The following SNRPD1 variants were observed in gnomAD, a reference collection of about 807,000 sequenced individuals.
The protein encoded by SNRPD1 is small nuclear ribonucleoprotein D1 polypeptide, also known as small nuclear ribonucleoprotein Sm D1.
Under a neutral mutation model 14.4 loss-of-function variants are expected in SNRPD1, and 1 was observed. The ratio of observed to expected loss-of-function variants is 0.07; its 90% CI spans 0.02 to 0.33. The LOEUF (loss-of-function observed/expected upper bound fraction) is 0.33. Among genes scored for constraint, SNRPD1 ranks in the 10% least tolerant of loss-of-function variants. The pLI is 1.00. For synonymous variants in SNRPD1, 42 were observed against 50.3 expected (o/e 0.83, Z 0.70); for missense variants, 52 against 146.4 (o/e 0.36, Z 3.33).
At position 21,633,516 on chromosome 18, in the gene SNRPD1, C is replaced by G. The variant is rs2039101410; in HGVS notation, c.*4378C>G. 1 of 151,778 alleles carries G rather than the reference C, an allele frequency of 6.6e-6. No individual in the cohort carries two copies. Among genetic ancestry groups the G allele is most frequent in the South Asian group, 2.1e-4 (1 of 4,806 alleles). 9.4% of individuals were successfully genotyped at this position (151,778 alleles called of 1,614,324 possible). On this transcript the variant is annotated 3_prime_UTR_variant, in exon 4 of 4. Transcript: ENST00000300413. ...TGGATCTGTGAAATAAAGAGGAGTA[C>G]TTTCTTTTCGTTTTTTTTTCTTTTC...
intron 1 of SNRPD1, among the ~76,000 whole-genome samples, chr18:21,621,368 T>A (rs2038996708): frequency 6.6e-6 from 1 of 152,134 alleles, no homozygotes; most frequent in South Asian, 2.1e-4. Context: ...TTCCATATAG[T>A]GGAATACTTT....
In SNRPD1 at chr18:21,629,062, T is replaced by C; in HGVS notation, c.284T>C (p.Val95Ala). The change falls in exon 4 of 4, where the codon GTT (valine) becomes GCT (alanine). Residue 95 changes from valine to alanine, a missense_variant and splice_region_variant. By Grantham distance (64) the Val-to-Ala change is moderately conservative (BLOSUM62 0). Coordinates refer to ENST00000300413, the MANE Select transcript of SNRPD1 (RefSeq NM_006938.4). ...PKVKSKKREA[V>A]AGRGRGRGRG... ...TTGGTTTGTTTTTCTTTTCCTTCAG[T>C]TGCAGGAAGAGGCAGAGGAAGAGGA... 6.2e-7 allele frequency: 1 copy of C among 1,613,464 alleles called. No individual in the cohort carries two copies. Among genetic ancestry groups the C allele is most frequent in the Non-Finnish European group, 8.5e-7 (1 of 1,179,424 alleles).
chr18:21,617,956 G>C (rs2038969792), intron 1 of SNRPD1, among the ~76,000 whole-genome samples: 1 of 152,170 alleles, frequency 6.6e-6, no homozygotes, highest in Non-Finnish European at 1.5e-5. Context: ...TTGCACTCCA[G>C]CCTGGGCAAC....
intron 1 of SNRPD1, among the ~76,000 whole-genome samples, chr18:21,619,178 A>T (rs1294440034): frequency 6.6e-6 from 1 of 151,642 alleles, no homozygotes; most frequent in African/African-American, 2.4e-5. Context: ...GGTGTGATCA[A>T]TTTTTTTTCG....
At chr18:21,621,633 A>T (rs1266089041) in intron 1 of SNRPD1, among the ~76,000 whole-genome samples, 1 of 151,860 alleles carries the variant, frequency 6.6e-6, no homozygotes, top group East Asian at 1.9e-4. Context: ...GTTGGAGTGC[A>T]GTGGTGCGAT....
At chr18:21,626,945 ATT>A (rs759988726) in intron 3 of SNRPD1, among the ~76,000 whole-genome samples, 3 of 135,584 alleles carry the variant, frequency 2.2e-5, no homozygotes, top group Non-Finnish European at 3.2e-5. Flanking sequence ...AAATGTTTGG[ATT>A]TTTTTTTTTT....
intron 1 of SNRPD1, among the ~76,000 whole-genome samples, chr18:21,617,000 T>C (rs1043629553): frequency 2.0e-5 from 3 of 152,130 alleles, no homozygotes; most frequent in South Asian, 2.1e-4. Flanking sequence ...TCTGGAACTC[T>C]TGGGCTCAAG....
chr18:21,619,652 C>T (rs1348617829), intron 1 of SNRPD1, among the ~76,000 whole-genome samples: 2 of 151,744 alleles, frequency 1.3e-5, no homozygotes, highest in East Asian at 4.1e-4. Flanking sequence ...TGGTGGCAGG[C>T]GCCTGTAGTC....
chr18:21,620,528 A>G (rs748558383), intron 1 of SNRPD1, among the ~76,000 whole-genome samples: 1 of 152,226 alleles, frequency 6.6e-6, no homozygotes, highest in Non-Finnish European at 1.5e-5. Context: ...GCAACTGGCT[A>G]TTCAGTTGGG....
At chr18:21,619,973 G>A (rs149505719) in intron 1 of SNRPD1, among the ~76,000 whole-genome samples, 2,673 of 151,234 alleles carry the variant, frequency 0.018, 77 homozygotes, top group African/African-American at 0.059. Context: ...TATTTTTTTC[G>A]AGATGGAGTC....
rs1254033848 is a variant in SNRPD1 at position 21,623,797 on chromosome 18, G to C, written c.141G>C (p.Leu47=). The change falls in exon 3 of 4, where the codon CTG becomes CTC. Residue 47 remains leucine, a synonymous_variant. Transcript: ENST00000300413. The part of the protein sequence containing the change: ...NTHLKAVKMT[L]KNREPVQLET... ...ATCTTAAAGCTGTGAAAATGACCCT[G>C]AAGAACAGAGAACCTGTACAGCTGG... The C allele has an allele frequency of 1.9e-6, 3 of 1,612,320 alleles. No homozygotes were observed. Among genetic ancestry groups the C allele is most frequent in the Admixed American group, 1.7e-5 (1 of 59,618 alleles).
rs1187753525 is a variant in SNRPD1, at chr18:21,633,296, A to T, written c.*4158A>T. 1 of 152,236 alleles carries T rather than the reference A, an allele frequency of 6.6e-6. No individual in the cohort carries two copies. Among genetic ancestry groups the T allele is most frequent in the Admixed American group, 6.5e-5 (1 of 15,270 alleles). 9.4% of individuals were successfully genotyped at this position (152,236 alleles called of 1,614,324 possible). On this transcript the variant is annotated 3_prime_UTR_variant, in exon 4 of 4. Coordinates refer to ENST00000300413, the MANE Select transcript of SNRPD1 (RefSeq NM_006938.4). ...TTGAAATAGATTAATGTAGTCAGCA[A>T]ACAATTCATGTATTACCTATAATAG...
chr18:21,629,373 C>A lies in SNRPD1; in HGVS notation c.*235C>A. The A allele has an allele frequency of 4.7e-6, 2 of 424,204 alleles. No homozygotes were observed. Among genetic ancestry groups the A allele is most frequent in the Non-Finnish European group, 8.4e-6 (2 of 236,746 alleles). 26.3% of individuals were successfully genotyped at this position (424,204 alleles called of 1,614,324 possible). On this transcript the variant is annotated 3_prime_UTR_variant, in exon 4 of 4. Transcript: ENST00000300413. ...TTTAAGTTTTTGAACTAAAATTTTT[C>A]TTTTTCTTTTTATGATGAATAAGGT...
chr18:21,617,980 A>G (rs2038969879), intron 1 of SNRPD1, among the ~76,000 whole-genome samples: 1 of 152,148 alleles, frequency 6.6e-6, no homozygotes, highest in Non-Finnish European at 1.5e-5. Context: ...ACAAGACTCC[A>G]TCTTTGTATC....
chr18:21,617,813 T>TA (rs1191349384), intron 1 of SNRPD1, among the ~76,000 whole-genome samples: 1 of 151,904 alleles, frequency 6.6e-6, no homozygotes, highest in Non-Finnish European at 1.5e-5. Flanking sequence ...ACCCCGTCTC[T>TA]ACTAAAAATA....
intron 1 of SNRPD1, among the ~76,000 whole-genome samples, chr18:21,619,286 TCTC>T (rs1373141949): frequency 1.3e-5 from 2 of 152,008 alleles, no homozygotes; most frequent in East Asian, 3.9e-4. Context: ...CTCAAGCAAT[TCTC>T]CTGCCTCAGC....
At chr18:21,625,646 T>C (rs971483286) in intron 3 of SNRPD1, among the ~76,000 whole-genome samples, 1 of 152,062 alleles carries the variant, frequency 6.6e-6, no homozygotes, top group African/African-American at 2.4e-5. Flanking sequence ...ACTCTCACTC[T>C]GTCGCCCAGG....
At position 21,632,155 on chromosome 18, in the gene SNRPD1, A is replaced by T. The variant is rs1261814803; in HGVS notation, c.*3017A>T. 1 of 152,130 alleles carries T rather than the reference A, an allele frequency of 6.6e-6. No homozygotes were observed. Among genetic ancestry groups the T allele is most frequent in the African/African-American group, 2.4e-5 (1 of 41,438 alleles). The allele number at this position is 152,130 out of a possible 1,614,324, so 9.4% of individuals were successfully genotyped here. ...ATTTAAATGAAAATGGCCACTTAGC[A>T]TAAGAGATCTAAAATTACGTTTTGT... On this transcript the variant is annotated 3_prime_UTR_variant, in exon 4 of 4. Coordinates refer to ENST00000300413, the MANE Select transcript of SNRPD1 (RefSeq NM_006938.4).
chr18:21,612,499 TCCGGAAGGCTGGGCTCTCCC>T, intron 1 of SNRPD1, 56 bp downstream of exon 1: 1 of 1,342,948 alleles, frequency 7.4e-7, no homozygotes, highest in Non-Finnish European at 1.0e-6. Context: ...TGGCCCGGAG[TCCGGAAGGCTGGGCTCTCCC>T]ATTTGCAGGA....
Sources: gnomAD v4.1 joint callset for allele counts (sites outside exome capture counted in the v4.1 genomes callset) on GRCh38, gnomAD v4.1.1 for gene constraint, MANE v1.5 for transcripts, NCBI Gene and HGNC (gene_info 2026-07-23, HGNC 2026-07-21) for gene names.